BBS4: variants seen among roughly 807,000 people sequenced by gnomAD.
BBS4 encodes the protein BBSome complex member BBS4.
Under a neutral mutation model 71.4 loss-of-function variants are expected in BBS4, and 58 were observed. The ratio of observed to expected loss-of-function variants is 0.81; its 90% CI spans 0.66 to 1.01. The LOEUF (loss-of-function observed/expected upper bound fraction) is 1.01. BBS4 is among the 50% of genes least tolerant of loss of function. The pLI is 0.00. For synonymous variants in BBS4, 228 were observed against 216.8 expected (o/e 1.05, Z -0.46); for missense variants, 660 against 607.9 (o/e 1.09, Z -0.90).
intron 6 of BBS4, 99 bp from the exon 7 acceptor site, chr15:72,722,695 C>T: frequency 9.1e-7 from 1 of 1,104,232 alleles, no homozygotes; most frequent in Non-Finnish European, 1.4e-6. Flanking sequence ...AAGTTTAAAC[C>T]TTGCCGAGCA....
chr15:72,710,152 A>G (rs1044069940), intron 3 of BBS4, among the ~76,000 whole-genome samples: 3 of 142,008 alleles, frequency 2.1e-5, no homozygotes, highest in Non-Finnish European at 4.6e-5. Context: ...TCAGCATATT[A>G]ACTTTTTTAT....
intron 3 of BBS4, among the ~76,000 whole-genome samples, chr15:72,710,974 T>C (rs2151018017): frequency 6.7e-6 from 1 of 150,342 alleles, no homozygotes; most frequent in East Asian, 2.0e-4. Flanking sequence ...TTTTTTTTTT[T>C]GTATTTCTAG....
chr15:72,736,120 C>T (rs1265207841), intron 14 of BBS4, among the ~76,000 whole-genome samples, 154 bp downstream of exon 14: 2 of 152,018 alleles, frequency 1.3e-5, no homozygotes, highest in Non-Finnish European at 2.9e-5. Flanking sequence ...TAATAACAGC[C>T]TGAGAAAAAC....
In BBS4 at chr15:72,735,995, ATAAG is replaced by A. The variant is rs1369325588; in HGVS notation, c.1248+34_1248+37del. On this transcript the variant is annotated intron_variant, in intron 14 of 15. Transcript: ENST00000268057. ...TGTCTTTTATTAGCTCCCAAGAGTC[ATAAG>A]TAAGCTCTCAGGAGACTTTTAAAAA... 5.6e-6 allele frequency: 9 copies of A among 1,613,542 alleles called. No individual in the cohort carries two copies. The African/African-American group carries it at 9.3e-5, about 17-fold the overall frequency.
intron 3 of BBS4, among the ~76,000 whole-genome samples, chr15:72,710,851 C>T (rs917920202): frequency 1.4e-4 from 21 of 151,360 alleles, no homozygotes; most frequent in African/African-American, 3.9e-4. Flanking sequence ...AGTGCAGTGG[C>T]GCAATCTCGG....
At chr15:72,701,991 C>G (rs534965498) in intron 2 of BBS4, among the ~76,000 whole-genome samples, 117 of 151,618 alleles carry the variant, frequency 7.7e-4, no homozygotes, top group African/African-American at 2.7e-3. Flanking sequence ...GTGTGTGCCA[C>G]CAGGCCCAGC....
rs778061569 is a variant in BBS4, at chr15:72,729,649, G to T, written c.676G>T (p.Gly226Cys). Residue 226 changes from glycine to cysteine, a missense_variant, in exon 10 of 16, where the codon GGC (glycine) becomes TGC (cysteine). By Grantham distance (159) the Gly-to-Cys change is radical. Coordinates refer to ENST00000268057, the MANE Select transcript of BBS4 (RefSeq NM_033028.5). ...TTACCAGAAGGCATTTGAACATCTT[G>T]GCAATGCACTGACTTATGACCCTAC... ...GIYQKAFEHL[G>C]NALTYDPTNY... is the part of the protein sequence containing the mutation. 6.2e-7 allele frequency: 1 copy of T among 1,614,010 alleles called. No individual in the cohort carries two copies.
At chr15:72,706,679 A>G (rs2065269575) in intron 2 of BBS4, among the ~76,000 whole-genome samples, 3 of 152,204 alleles carry the variant, frequency 2.0e-5, no homozygotes, top group African/African-American at 7.2e-5. Context: ...AAATGTGTGT[A>G]GTCAGAAAAT....
At position 72,731,640 on chromosome 15, in the gene BBS4, T is replaced by C. The variant is rs139006114; in HGVS notation, c.950T>C (p.Met317Thr). The C allele has an allele frequency of 3.1e-6, 5 of 1,614,236 alleles. No individual in the cohort carries two copies. In the African/African-American group the frequency reaches 4.0e-5, roughly 13 times the overall value. Residue 317 changes from methionine (M) to threonine (T), a missense_variant, in exon 12 of 16, where the codon ATG (methionine) becomes ACG (threonine). Coordinates refer to ENST00000268057, the MANE Select transcript of BBS4 (RefSeq NM_033028.5). ...LYNLGLVHLTMQQYASAFHFL... is the reference protein window; with the variant it reads ...LYNLGLVHLTTQQYASAFHFL... ...AATTTGGGCCTTGTCCATTTGACCA[T>C]GCAGCAGTATGCATCAGCTTTTCAT...
chr15:72,724,852 T>C (rs2065638916), intron 8 of BBS4, among the ~76,000 whole-genome samples, 197 bp downstream of exon 8: 2 of 152,156 alleles, frequency 1.3e-5, no homozygotes, highest in Admixed American at 6.5e-5. Context: ...GGATGACTGC[T>C]GCTTTAGGTT....
intron 1 of BBS4, 47 bp from the exon 2 acceptor site, chr15:72,695,130 A>G (rs777425165): frequency 2.4e-5 from 32 of 1,356,116 alleles, no homozygotes; most frequent in South Asian, 3.6e-5. Flanking sequence ...TTAAGTTAGC[A>G]AGTTTATATT....
chr15:72,693,049 A>G (rs1278921661), intron 1 of BBS4, among the ~76,000 whole-genome samples: 1 of 152,084 alleles, frequency 6.6e-6, no homozygotes, highest in East Asian at 1.9e-4. Flanking sequence ...ATGAGTACCA[A>G]AGAAATTAAA....
At chr15:72,734,473 T>G (rs1207256672) in intron 12 of BBS4, among the ~76,000 whole-genome samples, 23 of 152,186 alleles carry the variant, frequency 1.5e-4, no homozygotes, top group South Asian at 2.1e-4. Flanking sequence ...TCAGGAAAGA[T>G]ATTCTGGGGT....
chr15:72,728,988 C>G (rs922421124), intron 9 of BBS4, among the ~76,000 whole-genome samples: 5 of 151,972 alleles, frequency 3.3e-5, no homozygotes, highest in Non-Finnish European at 7.4e-5. Context: ...ATGAGGATAC[C>G]CAGCTCATTT....
chr15:72,718,205 A>G (rs1042198350), intron 6 of BBS4, among the ~76,000 whole-genome samples: 4 of 152,062 alleles, frequency 2.6e-5, no homozygotes, highest in African/African-American at 9.7e-5. Context: ...CTTCCATATC[A>G]TCATTTTTGT....
At chr15:72,704,416 ATTTT>A (rs1464624639) in intron 2 of BBS4, 1 of 1,286,224 alleles carries the variant, frequency 7.8e-7, no homozygotes, top group Admixed American at 2.3e-5. Context: ...CAGTATCTCC[ATTTT>A]TAGGGGGAGT....
rs756435227 is a variant in BBS4 at position 72,731,307 on chromosome 15, C to T, written c.714C>T (p.Ala238=). Residue 238 remains alanine (A), a splice_region_variant and synonymous_variant, in exon 11 of 16, where the codon GCC becomes GCT. Transcript: ENST00000268057. ...CTTTCTCTGTGCCATGTTTTCAGGC[C>T]ATCTTGGCAGCAGGCAGCATGATGC... is the stretch of plus-strand genomic sequence containing the variant. ...ALTYDPTNYK[A]ILAAGSMMQT... is the part of the protein sequence containing the mutation. 2 of 1,614,000 alleles carry T rather than the reference C, an allele frequency of 1.2e-6. No homozygotes were observed. Among genetic ancestry groups the T allele is most frequent in the Admixed American group, 3.3e-5 (2 of 60,008 alleles).
At chr15:72,729,207 A>C (rs1235430705) in intron 9 of BBS4, among the ~76,000 whole-genome samples, 1 of 145,938 alleles carries the variant, frequency 6.9e-6, no homozygotes, top group African/African-American at 2.5e-5. Context: ...GAACTCAAAA[A>C]AGCCAGAGCA....
At chr15:72,705,832 A>T (rs2065255324) in intron 2 of BBS4, among the ~76,000 whole-genome samples, 1 of 151,914 alleles carries the variant, frequency 6.6e-6, no homozygotes, top group African/African-American at 2.4e-5. Flanking sequence ...TGATCCGTCC[A>T]CCTGGGCCTC....
Sources: gnomAD v4.1 joint callset for allele counts (sites outside exome capture counted in the v4.1 genomes callset) on GRCh38, gnomAD v4.1.1 for gene constraint, MANE v1.5 for transcripts, NCBI Gene and HGNC (gene_info 2026-07-23, HGNC 2026-07-21) for gene names.